LUC7L2: variants seen among roughly 807,000 people sequenced by gnomAD.
The protein encoded by LUC7L2 is putative RNA-binding protein Luc7-like 2.
A neutral mutation model predicts 52.8 loss-of-function variants in LUC7L2; 25 were observed. The ratio of observed to expected loss-of-function variants is 0.47; its 90% CI spans 0.34 to 0.66. The LOEUF (loss-of-function observed/expected upper bound fraction) is 0.66, where lower values mean the gene tolerates loss of function less well. LUC7L2 is among the 30% of genes least tolerant of loss of function. The pLI, the probability that LUC7L2 is intolerant of heterozygous loss-of-function variation, is 0.01. For missense variants in LUC7L2, 328 were observed against 497.8 expected (o/e 0.66, Z 3.25); for synonymous variants, 144 against 160.9 (o/e 0.89, Z 0.80).
chr7:139,354,314 G>A (rs972268108), intron 1 of LUC7L2, among the ~76,000 whole-genome samples: 1 of 152,166 alleles, frequency 6.6e-6, no homozygotes, highest in African/African-American at 2.4e-5. Context: ...AGACAACCAA[G>A]ACAAGTAGCG....
At chr7:139,356,880 A>G (rs1404313242), upstream of LUC7L2, among the ~76,000 whole-genome samples, 1 of 152,246 alleles carries the variant, frequency 6.6e-6, no homozygotes, top group Admixed American at 6.5e-5. Flanking sequence ...CCAGATGGAC[A>G]GGCAGAGATT....
intron 1 of LUC7L2, among the ~76,000 whole-genome samples, chr7:139,354,652 A>G (rs972297167): frequency 2.6e-5 from 4 of 152,124 alleles, no homozygotes; most frequent in Admixed American, 6.5e-5. Flanking sequence ...ATGAGCCACT[A>G]TACCCTGCCA....
At chr7:139,383,997 A>G (rs1054317772) in intron 2 of LUC7L2, among the ~76,000 whole-genome samples, 5 of 149,550 alleles carry the variant, frequency 3.3e-5, no homozygotes, top group Non-Finnish European at 5.9e-5. Context: ...TGACCCACCC[A>G]CCTTGGCGCC....
chr7:139,358,682 TCTTA>T (rs1388789567), upstream of LUC7L2, among the ~76,000 whole-genome samples: 1 of 152,210 alleles, frequency 6.6e-6, no homozygotes, highest in Non-Finnish European at 1.5e-5. Flanking sequence ...CTGACCTATG[TCTTA>T]CTTAAGGAAT....
intron 1 of LUC7L2, among the ~76,000 whole-genome samples, chr7:139,344,583 A>G (rs1799167928): frequency 6.6e-6 from 1 of 152,150 alleles, no homozygotes; most frequent in South Asian, 2.1e-4. Context: ...TGGAGGGCCA[A>G]TTGTAATAAG....
At chr7:139,377,930 A>G (rs1427328272) in intron 2 of LUC7L2, among the ~76,000 whole-genome samples, 3 of 133,646 alleles carry the variant, frequency 2.2e-5, no homozygotes, top group Admixed American at 8.4e-5. Flanking sequence ...AGTTTCTCCC[A>G]CCTCAACCTC....
intron 2 of LUC7L2, chr7:139,392,355 G>A (rs750012268): frequency 1.9e-5 from 6 of 319,370 alleles, no homozygotes; most frequent in Non-Finnish European, 1.2e-5. Flanking sequence ...AGTTTATTTG[G>A]GGAAATAACA....
intron 2 of LUC7L2, 127 bp from the exon 3 acceptor site, chr7:139,398,472 T>G (rs1293021566): frequency 1.6e-6 from 1 of 622,934 alleles, no homozygotes; most frequent in African/African-American, 1.9e-5. Context: ...AATTTTGTAA[T>G]TTGGAAGCCC....
chr7:139,360,252 C>A lies in LUC7L2; in HGVS notation c.-10C>A. On this transcript the variant is annotated 5_prime_UTR_variant, in exon 1 of 10. Transcript: ENST00000354926. The stretch of plus-strand genomic sequence containing the variant: ...CCCACCCCCGCCCGTCCGCCCGCTA[C>A]GCCGCCGCCATGTCGGCGCAGGCCC... The A allele has an allele frequency of 6.4e-7, 1 of 1,551,050 alleles. No individual in the cohort carries two copies. Among genetic ancestry groups the A allele is most frequent in the Non-Finnish European group, 8.7e-7 (1 of 1,148,468 alleles).
At position 139,368,798 on chromosome 7, in the gene LUC7L2, C is replaced by T. The variant is rs1235001326; in HGVS notation, c.62-7264C>T. 2.0e-5 allele frequency among the ~76,000 whole-genome samples: 3 copies of T among 151,936 alleles called. No homozygotes were observed. In the East Asian group the frequency reaches 5.8e-4, roughly 29 times the overall value. ...TACAAATAAAGTCTTTTGTGGTCCCCTTCACCGTCTCAGTCCTTTCCCCAG... is the reference window on the plus strand; with the variant it reads ...TACAAATAAAGTCTTTTGTGGTCCCTTTCACCGTCTCAGTCCTTTCCCCAG... On this transcript the variant is annotated intron_variant, in intron 1 of 9. Transcript: ENST00000354926.
intron 7 of LUC7L2, among the ~76,000 whole-genome samples, chr7:139,410,319 T>G (rs533379078): frequency 6.6e-6 from 1 of 152,328 alleles, no homozygotes; most frequent in East Asian, 1.9e-4. Context: ...ATGATGTATT[T>G]TGTTAACAAA....
At chr7:139,389,876 C>T (rs1487532457) in intron 2 of LUC7L2, among the ~76,000 whole-genome samples, 3 of 152,130 alleles carry the variant, frequency 2.0e-5, no homozygotes, top group Non-Finnish European at 4.4e-5. Context: ...CTTTTATAAA[C>T]ATCTTACTTG....
intron 2 of LUC7L2, among the ~76,000 whole-genome samples, chr7:139,388,879 T>C (rs1794313450): frequency 6.6e-6 from 1 of 152,096 alleles, no homozygotes; most frequent in Non-Finnish European, 1.5e-5. Context: ...TGAAAGTTAT[T>C]GTGTTATTGA....
At position 139,374,346 on chromosome 7, in the gene LUC7L2, G is replaced by A. The variant is rs1189631088; in HGVS notation, c.62-1716G>A. 5.3e-6 allele frequency: 7 copies of A among 1,312,266 alleles called. No individual in the cohort carries two copies. In the African/African-American group the frequency reaches 1.0e-4, roughly 19 times the overall value. 81.3% of individuals were successfully genotyped at this position (1,312,266 alleles called of 1,614,324 possible). A position where few individuals can be genotyped will look rare whatever the true frequency, so the allele number is the denominator to read the frequency against. ...TCTAGATGCTGTATTGAAATTGCTG[G>A]CAGAGTTTATTCTATACAAAATGAA... is the stretch of plus-strand genomic sequence containing the variant. On this transcript the variant is annotated intron_variant, in intron 1 of 9. Coordinates refer to ENST00000354926, the MANE Select transcript of LUC7L2 (RefSeq NM_016019.5).
chr7:139,364,507 A>G (rs1800047295), intron 1 of LUC7L2, among the ~76,000 whole-genome samples: 1 of 152,174 alleles, frequency 6.6e-6, no homozygotes, highest in Non-Finnish European at 1.5e-5. Flanking sequence ...TTTAAATGTT[A>G]ATCTTTCTAA....
chr7:139,340,759 T>G (rs766624261), intron 1 of LUC7L2: 2 of 373,192 alleles, frequency 5.4e-6, no homozygotes, highest in Non-Finnish European at 9.5e-6. Flanking sequence ...TGGGTTCGAG[T>G]CCCATCTGGG....
At chr7:139,400,770 C>T (rs767897063) in intron 3 of LUC7L2, among the ~76,000 whole-genome samples, 82 of 152,192 alleles carry the variant, frequency 5.4e-4, no homozygotes, top group South Asian at 1.9e-3. Flanking sequence ...CTTTGAGATG[C>T]CATCTTTATC....
chr7:139,347,564 G>A (rs1246111825), intron 1 of LUC7L2, among the ~76,000 whole-genome samples: 1 of 150,498 alleles, frequency 6.6e-6, no homozygotes, highest in Admixed American at 6.6e-5. Context: ...TCCAGCCTGG[G>A]CAACAAGAGT....
At position 139,379,571 on chromosome 7, in the gene LUC7L2, T is replaced by TGC. The variant is rs1569375416; in HGVS notation, c.156+3415_156+3416insGC. On this transcript the variant is annotated intron_variant, in intron 2 of 9. Transcript: ENST00000354926. ...ATGCTTTTTTTTTTTTTTTTTTTTT[T>TGC]TTTTTTTTTTTTTTTTGAGACAGAT... 1.0e-3 allele frequency among the ~76,000 whole-genome samples: 89 copies of TGC among 86,728 alleles called. 2 individuals are homozygous for TGC. Among genetic ancestry groups the TGC allele is most frequent in the Non-Finnish European group, 1.9e-3 (73 of 38,798 alleles). The allele number at this position is 86,728 out of a possible 152,430, so 56.9% of individuals were successfully genotyped here. A position where few individuals can be genotyped will look rare whatever the true frequency, so the allele number is the denominator to read the frequency against.
Sources: allele counts gnomAD v4.1 joint callset (sites outside exome capture counted in the v4.1 genomes callset), GRCh38; gene constraint gnomAD v4.1.1; transcripts MANE v1.5; gene names NCBI Gene and HGNC (gene_info 2026-07-23, HGNC 2026-07-21).